Variants in MAN1A1 observed in about 807,000 individuals in gnomAD.
The protein encoded by MAN1A1 is mannosidase alpha class 1A member 1.
In MAN1A1, 29 loss-of-function variants were observed where a neutral mutation model predicts 70.8. That is an observed-to-expected ratio of 0.41 (90% CI 0.31 to 0.56). The LOEUF is 0.56. Among genes scored for constraint, MAN1A1 ranks in the 20% least tolerant of loss-of-function variants. MAN1A1 has a pLI of 0.29. For missense variants in MAN1A1, 747 were observed against 841.3 expected (o/e 0.89, Z 1.39); for synonymous variants, 349 against 330.1 (o/e 1.06, Z -0.62).
intron 2 of MAN1A1, among the ~76,000 whole-genome samples, chr6:119,344,922 C>T (rs907848946): frequency 2.6e-5 from 4 of 152,062 alleles, no homozygotes; most frequent in African/African-American, 9.7e-5. Flanking sequence ...AAAACTGTGA[C>T]CCCACAGGTG....
intron 3 of MAN1A1, among the ~76,000 whole-genome samples, chr6:119,305,552 G>A (rs1772503556): frequency 6.6e-6 from 1 of 152,026 alleles, no homozygotes; most frequent in African/African-American, 2.4e-5. Context: ...TTCAGGTATA[G>A]GTGCTCTTCA....
chr6:119,315,674 T>C (rs1772831281), intron 2 of MAN1A1, among the ~76,000 whole-genome samples: 1 of 152,230 alleles, frequency 6.6e-6, no homozygotes, highest in African/African-American at 2.4e-5. Flanking sequence ...GATTATAATT[T>C]AGCAACTCAA....
chr6:119,340,626 C>A (rs2114507391), intron 2 of MAN1A1, among the ~76,000 whole-genome samples: 1 of 152,300 alleles, frequency 6.6e-6, no homozygotes, highest in African/African-American at 2.4e-5. Context: ...CAGGCACCAG[C>A]AACAAAGGTT....
chr6:119,328,604 T>TGAATTTAATTTATG (rs1432049508), intron 2 of MAN1A1, among the ~76,000 whole-genome samples: 1 of 152,238 alleles, frequency 6.6e-6, no homozygotes, highest in East Asian at 1.9e-4. Flanking sequence ...ATTTATGGAA[T>TGAATTTAATTTATG]GAATAAGATT....
intron 11 of MAN1A1, among the ~76,000 whole-genome samples, chr6:119,182,477 A>T (rs1321876813): frequency 6.7e-6 from 1 of 148,472 alleles, no homozygotes; most frequent in Non-Finnish European, 1.5e-5. Flanking sequence ...TAGGAGTTTT[A>T]TGGTTTCAGG....
chr6:119,321,725 C>T (rs1458125475), intron 2 of MAN1A1, among the ~76,000 whole-genome samples: 1 of 150,798 alleles, frequency 6.6e-6, no homozygotes, highest in African/African-American at 2.4e-5. Flanking sequence ...TCAAGCAATT[C>T]TCCTGCCTCA....
chr6:119,202,527 C>G (rs1353798750), intron 7 of MAN1A1, among the ~76,000 whole-genome samples: 3 of 152,126 alleles, frequency 2.0e-5, no homozygotes, highest in Admixed American at 1.3e-4. Flanking sequence ...GTACATAAAT[C>G]AGTAATGCAG....
rs78502682 is a variant in MAN1A1, at chr6:119,308,758, C to T, written c.604-1766G>A. Among the ~76,000 whole-genome samples, 895 of 152,112 alleles carry T rather than the reference C, an allele frequency of 5.9e-3. 30 individuals carry two copies. In the East Asian group the frequency reaches 0.09, roughly 15 times the overall value. ...TATATTTGATTTTATTTGGTTTTTC[C>T]ATTAAATGTACTACATTTAGTAAAT... On this transcript the variant is annotated intron_variant, in intron 2 of 12. Transcript: ENST00000368468.
intron 6 of MAN1A1, among the ~76,000 whole-genome samples, chr6:119,212,427 G>T (rs1321466369): frequency 6.6e-6 from 1 of 152,094 alleles, no homozygotes; most frequent in Non-Finnish European, 1.5e-5. Flanking sequence ...AGCACTTCGG[G>T]GATGCATCTT....
rs1403160997 is a variant in MAN1A1 at position 119,348,752 on chromosome 6, C to T, written c.314G>A (p.Arg105His). ...EDAAEGRARR[R>H]EEGAPGDPEA... ...CGGGTCCCCGGGTGCCCCCTCCTCG[C>T]GGCGCCGGGCTCGCCCCTCGGCCGC... Residue 105 changes from arginine to histidine, a missense_variant, in exon 2 of 13, where the codon CGC (arginine) becomes CAC (histidine). Physicochemically the swap from Arg to His is conservative, Grantham distance 29 (BLOSUM62 0). Coordinates refer to ENST00000368468, the MANE Select transcript of MAN1A1 (RefSeq NM_005907.4). 6.4e-7 allele frequency: 1 copy of T among 1,556,726 alleles called. No individual in the cohort carries two copies. The highest frequency in any genetic ancestry group is 1.9e-5 in the Admixed American group (1 of 52,618).
intron 4 of MAN1A1, among the ~76,000 whole-genome samples, chr6:119,299,019 T>C (rs1266644583): frequency 6.6e-6 from 1 of 151,924 alleles, no homozygotes; most frequent in Non-Finnish European, 1.5e-5. Flanking sequence ...AGTATAATTT[T>C]TCTTTTTTTT....
intron 5 of MAN1A1, among the ~76,000 whole-genome samples, chr6:119,268,754 T>C (rs1216564024): frequency 6.6e-6 from 1 of 152,036 alleles, no homozygotes; most frequent in Non-Finnish European, 1.5e-5. Flanking sequence ...GCCTAGCTAA[T>C]TTCTGCATTT....
At chr6:119,344,133 C>T (rs942592118) in intron 2 of MAN1A1, among the ~76,000 whole-genome samples, 2 of 152,162 alleles carry the variant, frequency 1.3e-5, no homozygotes, top group African/African-American at 4.8e-5. Flanking sequence ...ATTAGCTCAC[C>T]TAAGAAGTAC....
intron 6 of MAN1A1, among the ~76,000 whole-genome samples, chr6:119,219,455 C>T (rs1489901450): frequency 3.3e-5 from 5 of 152,176 alleles, no homozygotes; most frequent in Non-Finnish European, 5.9e-5. Flanking sequence ...ACCTACCCCA[C>T]CTTATAGAGT....
At chr6:119,342,903 CTCT>C (rs893133455) in intron 2 of MAN1A1, among the ~76,000 whole-genome samples, 83 of 152,112 alleles carry the variant, frequency 5.5e-4, no homozygotes, top group African/African-American at 2.0e-3. Context: ...GTAACTCACT[CTCT>C]TCTTCTCTCC....
At chr6:119,308,925 A>C (rs1363980542) in intron 2 of MAN1A1, among the ~76,000 whole-genome samples, 2 of 152,236 alleles carry the variant, frequency 1.3e-5, no homozygotes, top group African/African-American at 4.8e-5. Flanking sequence ...TACCACTAGT[A>C]AAGGATCTCC....
chr6:119,305,325 T>C (rs571675625), intron 3 of MAN1A1, among the ~76,000 whole-genome samples: 1 of 152,256 alleles, frequency 6.6e-6, no homozygotes, highest in South Asian at 2.1e-4. Flanking sequence ...GATTTCTTAA[T>C]GGTACCAAAG....
intron 6 of MAN1A1, among the ~76,000 whole-genome samples, chr6:119,231,492 T>C (rs1289999484): frequency 6.6e-6 from 1 of 152,110 alleles, no homozygotes; most frequent in Non-Finnish European, 1.5e-5. Flanking sequence ...CCTTTATAAA[T>C]TCCCCAGTCT....
intron 2 of MAN1A1, among the ~76,000 whole-genome samples, chr6:119,308,378 G>C (rs571402199): frequency 1.3e-5 from 2 of 152,198 alleles, no homozygotes; most frequent in South Asian, 4.1e-4. Flanking sequence ...AGTGTTTTCA[G>C]GATTTTTTTC....
Sources: allele counts gnomAD v4.1 joint callset (sites outside exome capture counted in the v4.1 genomes callset), GRCh38; gene constraint gnomAD v4.1.1; transcripts MANE v1.5; gene names NCBI Gene and HGNC (gene_info 2026-07-23, HGNC 2026-07-21).